The following ADORA2B variants were observed in gnomAD, a reference collection of about 807,000 sequenced individuals.
ADORA2B encodes the protein adenosine A2b receptor.
A neutral mutation model predicts 20.8 loss-of-function variants in ADORA2B; 18 were observed. The ratio of observed to expected loss-of-function variants is 0.87; its 90% CI spans 0.60 to 1.29. ADORA2B has a LOEUF of 1.29. ADORA2B is among the 50% of genes most tolerant of loss of function. The pLI, the probability that ADORA2B is intolerant of heterozygous loss-of-function variation, is 0.00. For synonymous variants in ADORA2B, 179 were observed against 178.3 expected (o/e 1.00, Z -0.03); for missense variants, 441 against 422.7 (o/e 1.04, Z -0.38).
chr17:15,930,515 T>C, the ADORA2B span, among the ~76,000 whole-genome samples: 1 of 152,150 alleles, frequency 6.6e-6, no homozygotes, highest in Non-Finnish European at 1.5e-5. Flanking sequence ...AAGCTGGTCT[T>C]GAACTCCTGA....
chr17:15,852,328 G>A, the ADORA2B span, among the ~76,000 whole-genome samples: 4 of 151,928 alleles, frequency 2.6e-5, no homozygotes, highest in African/African-American at 9.7e-5. Flanking sequence ...TCTTTTATTT[G>A]TTCAGTCTTA....
chr17:15,961,282 A>G (rs1970036799), intron 1 of ADORA2B, among the ~76,000 whole-genome samples: 1 of 148,596 alleles, frequency 6.7e-6, no homozygotes, highest in South Asian at 2.1e-4. Flanking sequence ...TCTTGGGGAA[A>G]AAAAAAAAAA....
At chr17:15,883,543 C>G in the ADORA2B span, among the ~76,000 whole-genome samples, 5 of 152,094 alleles carry the variant, frequency 3.3e-5, no homozygotes, top group African/African-American at 1.2e-4. Flanking sequence ...TTGGGGTATT[C>G]AGAGAAGAAG....
the ADORA2B span, among the ~76,000 whole-genome samples, chr17:15,939,352 C>A: frequency 6.6e-6 from 1 of 152,182 alleles, no homozygotes; most frequent in Non-Finnish European, 1.5e-5. Context: ...CTTCTTTCTA[C>A]TCCTTCTTGG....
the ADORA2B span, among the ~76,000 whole-genome samples, chr17:15,868,368 T>C: frequency 6.0e-5 from 8 of 134,112 alleles, 2 homozygotes; most frequent in Non-Finnish European, 1.3e-4. Flanking sequence ...GAATGATCAA[T>C]TAAAAAAAAA....
the ADORA2B span, among the ~76,000 whole-genome samples, chr17:15,854,239 G>A: frequency 0.082 from 12,431 of 152,216 alleles, 1,422 homozygotes; most frequent in African/African-American, 0.25. Context: ...ACAGGCGTGA[G>A]CCACCGCGCC....
the ADORA2B span, among the ~76,000 whole-genome samples, chr17:15,923,587 T>C: frequency 6.6e-6 from 1 of 151,694 alleles, no homozygotes; most frequent in Admixed American, 6.6e-5. Flanking sequence ...TTTGTATTTT[T>C]AGTAGAGACA....
At chr17:15,866,902 AGCCTGCCGAGT>A in the ADORA2B span, among the ~76,000 whole-genome samples, 1 of 152,180 alleles carries the variant, frequency 6.6e-6, no homozygotes, top group Non-Finnish European at 1.5e-5. Context: ...CTCCTGCCTC[AGCCTGCCGAGT>A]GCCTGCGATT....
the ADORA2B span, among the ~76,000 whole-genome samples, chr17:15,859,833 A>T: frequency 6.6e-6 from 1 of 152,232 alleles, no homozygotes; most frequent in South Asian, 2.1e-4. Context: ...CTATTTCATT[A>T]TCTGTTTTGA....
At chr17:15,862,868 TCTC>T in the ADORA2B span, among the ~76,000 whole-genome samples, 1 of 151,788 alleles carries the variant, frequency 6.6e-6, no homozygotes, top group Non-Finnish European at 1.5e-5. Context: ...TTCAAGCAGT[TCTC>T]CTGCGTCAGC....
rs370991890 is a variant in ADORA2B at position 15,974,892 on chromosome 17, A to G, written c.549A>G (p.Val183=). 82 of 1,614,014 alleles carry G rather than the reference A, an allele frequency of 5.1e-5. No homozygotes were observed. In the Middle Eastern group the frequency reaches 8.2e-4, roughly 16 times the overall value. Residue 183 remains valine, a synonymous_variant, in exon 2 of 2, where the codon GTA becomes GTG. Coordinates refer to ENST00000304222, the MANE Select transcript of ADORA2B (RefSeq NM_000676.4). ...FENVVPMSYM[V]YFNFFGCVLP... is the part of the protein sequence containing the mutation. The stretch of plus-strand genomic sequence containing the variant: ...ATGTGGTCCCCATGAGCTACATGGT[A>G]TATTTCAATTTCTTTGGGTGTGTTC...
At chr17:15,862,421 AT>A in the ADORA2B span, among the ~76,000 whole-genome samples, 1 of 151,432 alleles carries the variant, frequency 6.6e-6, no homozygotes, top group African/African-American at 2.4e-5. Context: ...GGATTTCACC[AT>A]TTTGGCTAGG....
rs1335353658 is a variant in ADORA2B at position 15,975,736 on chromosome 17, C to G, written c.*394C>G. 1 of 167,282 alleles carries G rather than the reference C, an allele frequency of 6.0e-6. No individual in the cohort carries two copies. The highest frequency in any genetic ancestry group is 1.3e-5 in the Non-Finnish European group (1 of 77,398). The allele number at this position is 167,282 out of a possible 1,614,324, so 10.4% of individuals were successfully genotyped here. A position where few individuals can be genotyped will look rare whatever the true frequency, so the allele number is the denominator to read the frequency against. ...AATGGAAAAATAAAAGTTGACTGTACTAAAAATGTATACTTGTTGCCAGGA... is the reference window on the plus strand; with the variant it reads ...AATGGAAAAATAAAAGTTGACTGTAGTAAAAATGTATACTTGTTGCCAGGA... On this transcript the variant is annotated 3_prime_UTR_variant, in exon 2 of 2. Coordinates refer to ENST00000304222, the MANE Select transcript of ADORA2B (RefSeq NM_000676.4).
At chr17:15,933,349 G>A in the ADORA2B span, among the ~76,000 whole-genome samples, 2 of 152,248 alleles carry the variant, frequency 1.3e-5, no homozygotes, top group Non-Finnish European at 2.9e-5. Flanking sequence ...GCAAAATTTT[G>A]AGAGATTGCA....
intron 1 of ADORA2B, among the ~76,000 whole-genome samples, chr17:15,952,421 T>C (rs1350585680): frequency 6.6e-6 from 1 of 152,086 alleles, no homozygotes; most frequent in Non-Finnish European, 1.5e-5. Flanking sequence ...GATAAGAAGA[T>C]GGAGGTGCAG....
the ADORA2B span, among the ~76,000 whole-genome samples, chr17:15,928,339 T>A: frequency 8.6e-5 from 13 of 151,688 alleles, no homozygotes; most frequent in South Asian, 8.4e-4. Context: ...AGGGAGGGTG[T>A]TTTCTTTCCT....
chr17:15,859,854 T>C, the ADORA2B span, among the ~76,000 whole-genome samples: 1 of 152,252 alleles, frequency 6.6e-6, no homozygotes, highest in East Asian at 1.9e-4. Flanking sequence ...TTGTGACTAA[T>C]ATGACAGCAG....
chr17:15,924,148 G>T, the ADORA2B span, among the ~76,000 whole-genome samples: 4 of 151,738 alleles, frequency 2.6e-5, no homozygotes, highest in Non-Finnish European at 5.9e-5. Context: ...CCTGACCTCA[G>T]GTGATCCACC....
At chr17:15,862,748 A>G in the ADORA2B span, among the ~76,000 whole-genome samples, 29 of 152,022 alleles carry the variant, frequency 1.9e-4, no homozygotes, top group Non-Finnish European at 7.4e-5. Context: ...ATTCATATAC[A>G]ATATGAACGT....
Sources: allele counts gnomAD v4.1 joint callset (sites outside exome capture counted in the v4.1 genomes callset), GRCh38; gene constraint gnomAD v4.1.1; transcripts MANE v1.5; gene names NCBI Gene and HGNC (gene_info 2026-07-23, HGNC 2026-07-21).